The following RIMS3 variants were observed in gnomAD, a reference collection of about 807,000 sequenced individuals.
RIMS3 encodes regulating synaptic membrane exocytosis 3, also known as regulating synaptic membrane exocytosis protein 3.
Under a neutral mutation model 29.2 loss-of-function variants are expected in RIMS3, and 15 were observed. The ratio of observed to expected loss-of-function variants is 0.51; its 90% CI spans 0.34 to 0.79. The LOEUF is 0.79. Among genes scored for constraint, RIMS3 ranks in the 30% least tolerant of loss-of-function variants. The pLI, the probability that RIMS3 is intolerant of heterozygous loss-of-function variation, is 0.01. For missense variants in RIMS3, 342 were observed against 421.4 expected (o/e 0.81, Z 1.65); for synonymous variants, 161 against 170.1 (o/e 0.95, Z 0.41).
chr1:40,686,298 C>A, the RIMS3 span, among the ~76,000 whole-genome samples: 1 of 152,142 alleles, frequency 6.6e-6, no homozygotes, highest in Admixed American at 6.5e-5. Flanking sequence ...CTTCTCCATA[C>A]CCTGACTCTT....
the RIMS3 span, among the ~76,000 whole-genome samples, chr1:40,679,146 CAT>C: frequency 6.6e-6 from 1 of 152,206 alleles, no homozygotes; most frequent in Non-Finnish European, 1.5e-5. Context: ...GCTGCCCCTC[CAT>C]ACCACCAACA....
intron 2 of RIMS3, among the ~76,000 whole-genome samples, chr1:40,643,889 C>T (rs1396033568): frequency 6.6e-6 from 1 of 152,122 alleles, no homozygotes; most frequent in Non-Finnish European, 1.5e-5. Flanking sequence ...CCCTAGCATC[C>T]GCTCCCCCTT....
At position 40,623,576 on chromosome 1, in the gene RIMS3, G is replaced by A; in HGVS notation, c.*2941C>T. ...CACTGCAGGGTTTCATCTGGGCAAG[G>A]GGGCATTTGGAGCCGGGACACTGAA... On this transcript the variant is annotated 3_prime_UTR_variant, in exon 8 of 8. Transcript: ENST00000372684. 1 of 398,624 alleles carries A rather than the reference G, an allele frequency of 2.5e-6. No individual in the cohort carries two copies. Among genetic ancestry groups the A allele is most frequent in the Admixed American group, 4.4e-5 (1 of 22,734 alleles). The allele number at this position is 398,624 out of a possible 1,614,324, so 24.7% of individuals were successfully genotyped here. A position where few individuals can be genotyped will look rare whatever the true frequency, so the allele number is the denominator to read the frequency against.
chr1:40,652,654 C>A (rs111919231), intron 1 of RIMS3, among the ~76,000 whole-genome samples: 5 of 152,124 alleles, frequency 3.3e-5, no homozygotes, highest in African/African-American at 1.2e-4. Context: ...GGTACAACTG[C>A]GGAACAGAGG....
Position 40,623,145 on chromosome 1 carries a change from C to T in RIMS3, c.*3372G>A. 2.9e-6 allele frequency: 1 copy of T among 342,894 alleles called. No homozygotes were observed. Among genetic ancestry groups the T allele is most frequent in the Non-Finnish European group, 5.2e-6 (1 of 191,128 alleles). 21.2% of individuals were successfully genotyped at this position (342,894 alleles called of 1,614,324 possible). ...CTTTCTTGGAGCTCCTGGGTTCTGC[C>T]TCAGCCCCCATGAAATGCTGGCATT... On this transcript the variant is annotated 3_prime_UTR_variant, in exon 8 of 8. Coordinates refer to ENST00000372684, the MANE Select transcript of RIMS3 (RefSeq NM_014747.3).
At chr1:40,638,649 CT>C (rs1277545920) in intron 3 of RIMS3, among the ~76,000 whole-genome samples, 3 of 152,208 alleles carry the variant, frequency 2.0e-5, no homozygotes, top group Non-Finnish European at 4.4e-5. Context: ...ACTGAAAATA[CT>C]AGCTCCGTTT....
At chr1:40,682,741 C>CTTTTTTTTTTTTTTTTTTTTT in the RIMS3 span, among the ~76,000 whole-genome samples, 843 of 77,450 alleles carry the variant, frequency 0.011, 174 homozygotes, top group African/African-American at 0.017. Flanking sequence ...CTTTGCAGAT[C>CTTTTTTTTTTTTTTTTTTTTT]TTTTTTTTTT....
At chr1:40,662,626 C>A (rs1168562379) in intron 1 of RIMS3, among the ~76,000 whole-genome samples, 3 of 152,166 alleles carry the variant, frequency 2.0e-5, no homozygotes. Flanking sequence ...CCTCCCGGAC[C>A]CTCCTTTTCT....
intron 1 of RIMS3, among the ~76,000 whole-genome samples, chr1:40,650,232 T>C (rs749862975): frequency 2.6e-5 from 4 of 152,196 alleles, no homozygotes; most frequent in Non-Finnish European, 4.4e-5. Flanking sequence ...CCAGCAGCCA[T>C]GCCCCCTTCC....
At chr1:40,689,976 A>G in the RIMS3 span, among the ~76,000 whole-genome samples, 1 of 152,180 alleles carries the variant, frequency 6.6e-6, no homozygotes, top group Admixed American at 6.5e-5. Context: ...ATTCTGCTTC[A>G]TCTATGCTTG....
the RIMS3 span, chr1:40,687,584 A>G: frequency 6.7e-6 from 1 of 149,586 alleles, no homozygotes; most frequent in East Asian, 1.9e-4. Flanking sequence ...CCCCGGCAAC[A>G]AGAGCAAAAC....
chr1:40,671,752 CTTTT>C, the RIMS3 span, among the ~76,000 whole-genome samples: 1 of 146,300 alleles, frequency 6.8e-6, no homozygotes, highest in African/African-American at 2.5e-5. Context: ...CCTTTCCTTT[CTTTT>C]CTTTTTTTTT....
intron 5 of RIMS3, among the ~76,000 whole-genome samples, chr1:40,632,752 T>G (rs1189374164): frequency 6.6e-6 from 1 of 152,054 alleles, no homozygotes; most frequent in Non-Finnish European, 1.5e-5. Flanking sequence ...CTAAAGGGCC[T>G]CTAGGTGCCA....
the RIMS3 span, among the ~76,000 whole-genome samples, chr1:40,689,799 T>C: frequency 1.3e-5 from 2 of 152,168 alleles, no homozygotes; most frequent in South Asian, 4.1e-4. Flanking sequence ...CATTGACTAT[T>C]AAAATACTGA....
Position 40,649,432 on chromosome 1 carries a change from T to C in RIMS3, c.-206-1590A>G, listed in dbSNP as rs976833399. ...CAAACACCCACACACACCCTCCCCA[T>C]TGGGCCCCTGCCCAGTCCAGAGAGG... On this transcript the variant is annotated intron_variant, in intron 1 of 7. Coordinates refer to ENST00000372684, the MANE Select transcript of RIMS3 (RefSeq NM_014747.3). 5.3e-5 allele frequency among the ~76,000 whole-genome samples: 8 copies of C among 152,110 alleles called. No homozygotes were observed. The South Asian group carries it at 1.2e-3, about 24-fold the overall frequency.
chr1:40,658,535 T>C (rs1158496386), intron 1 of RIMS3, among the ~76,000 whole-genome samples: 1 of 152,174 alleles, frequency 6.6e-6, no homozygotes, highest in Admixed American at 6.5e-5. Context: ...CTTTGATCCT[T>C]CCCAGTAGGC....
At chr1:40,645,022 A>T (rs576144779) in intron 2 of RIMS3, among the ~76,000 whole-genome samples, 3 of 152,314 alleles carry the variant, frequency 2.0e-5, no homozygotes, top group African/African-American at 4.8e-5. Flanking sequence ...AGTATAGCTG[A>T]CAGAGTGGAT....
chr1:40,623,697 C>T lies in RIMS3; in HGVS notation c.*2820G>A. ...TCCTCAAACAGCAGATGCTCCCCCA[C>T]CCCAGCAAACAACCAGGAGTTACAC... On this transcript the variant is annotated 3_prime_UTR_variant, in exon 8 of 8. Coordinates refer to ENST00000372684, the MANE Select transcript of RIMS3 (RefSeq NM_014747.3). 1 of 393,736 alleles carries T rather than the reference C, an allele frequency of 2.5e-6. No individual in the cohort carries two copies. Among genetic ancestry groups the T allele is most frequent in the Admixed American group, 4.5e-5 (1 of 22,464 alleles). 24.4% of individuals were successfully genotyped at this position (393,736 alleles called of 1,614,324 possible). A position where few individuals can be genotyped will look rare whatever the true frequency, so the allele number is the denominator to read the frequency against.
the RIMS3 span, among the ~76,000 whole-genome samples, chr1:40,675,871 T>C: frequency 2.7e-5 from 4 of 150,348 alleles, no homozygotes; most frequent in African/African-American, 4.9e-5. Flanking sequence ...GAGGTTGCAG[T>C]GAGTGATGAT....
Sources: allele counts gnomAD v4.1 joint callset (sites outside exome capture counted in the v4.1 genomes callset), GRCh38; gene constraint gnomAD v4.1.1; transcripts MANE v1.5; gene names NCBI Gene and HGNC (gene_info 2026-07-23, HGNC 2026-07-21).